KTN1: variants seen among roughly 807,000 people sequenced by gnomAD.
The protein encoded by KTN1 is kinectin.
A neutral mutation model predicts 222.5 loss-of-function variants in KTN1; 130 were observed. The ratio of observed to expected loss-of-function variants is 0.58; its 90% CI spans 0.51 to 0.68. The LOEUF is 0.68. Ranked by LOEUF, KTN1 falls within the 30% of genes least tolerant of loss-of-function variation. KTN1 has a pLI of 0.00. For synonymous variants in KTN1, 512 were observed against 496.3 expected (o/e 1.03, Z -0.42); for missense variants, 1,508 against 1,500.4 (o/e 1.01, Z -0.08).
At chr14:55,676,462 TATATC>T (rs1287305262) in intron 41 of KTN1, among the ~76,000 whole-genome samples, 1 of 152,192 alleles carries the variant, frequency 6.6e-6, no homozygotes, top group Non-Finnish European at 1.5e-5. Context: ...CACATATTCT[TATATC>T]AAAGCTGTTT....
At position 55,658,717 on chromosome 14, in the gene KTN1, G is replaced by A. The variant is rs548751449; in HGVS notation, c.2961+103G>A. On this transcript the variant is annotated intron_variant, in intron 30 of 43. Coordinates refer to ENST00000395314, the MANE Select transcript of KTN1 (RefSeq NM_001079521.2). ...CCATTTCTGCATTTTCATTGAGAAT[G>A]AAGTATGTTTTATTTATGTTTATCA... 8.2e-5 allele frequency: 57 copies of A among 692,884 alleles called. No individual in the cohort carries two copies. In the South Asian group the frequency reaches 1.0e-3, roughly 13 times the overall value. 42.9% of individuals were successfully genotyped at this position (692,884 alleles called of 1,614,324 possible). A position where few individuals can be genotyped will look rare whatever the true frequency, so the allele number is the denominator to read the frequency against.
rs1555370835 is a variant in KTN1, at chr14:55,629,967, C to T, written c.1091C>T (p.Thr364Ile). ...RCKQLTQEMM[T>I]EKERSNVVIT... ...GGGATATTCTTTTAGGAAATGATGA[C>T]AGAGAAAGAAAGAAGCAATGTGGTT... Residue 364 changes from threonine (T) to isoleucine (I), a missense_variant, in exon 7 of 44, where the codon ACA becomes ATA. Coordinates refer to ENST00000395314, the MANE Select transcript of KTN1 (RefSeq NM_001079521.2). 1.1e-5 allele frequency: 18 copies of T among 1,588,512 alleles called. No individual in the cohort carries two copies. Among genetic ancestry groups the T allele is most frequent in the Middle Eastern group, 1.7e-4 (1 of 5,926 alleles).
chr14:55,657,199 AC>A (rs1432561977), intron 29 of KTN1, among the ~76,000 whole-genome samples: 1 of 152,206 alleles, frequency 6.6e-6, no homozygotes, highest in Non-Finnish European at 1.5e-5. Context: ...TGACACTCTC[AC>A]CAACTAAGGG....
intron 1 of KTN1, among the ~76,000 whole-genome samples, chr14:55,590,522 C>G (rs561421147): frequency 1.3e-5 from 2 of 152,126 alleles, no homozygotes; most frequent in South Asian, 4.1e-4. Flanking sequence ...CACACTCTAA[C>G]CACTACCTTT....
At position 55,672,923 on chromosome 14, in the gene KTN1, T is replaced by C. The variant is rs1435595305; in HGVS notation, c.3604-6T>C. ...TGTGTTAACTTTTCCTTTGTTGCAT[T>C]GCTAGCTGAGAAGAGAACGAGAACA... On this transcript the variant is annotated splice_region_variant and splice_polypyrimidine_tract_variant and intron_variant, in intron 38 of 43. Transcript: ENST00000395314. The C allele has an allele frequency of 1.2e-5, 19 of 1,610,192 alleles. No homozygotes were observed. The highest frequency in any genetic ancestry group is 1.5e-5 in the Non-Finnish European group (18 of 1,176,844).
chr14:55,585,807 T>A (rs2032869037), intron 1 of KTN1, among the ~76,000 whole-genome samples: 1 of 152,176 alleles, frequency 6.6e-6, no homozygotes, highest in Non-Finnish European at 1.5e-5. Flanking sequence ...GTTAATCCAG[T>A]GAGAGATCCT....
chr14:55,623,933 A>G (rs971405784), intron 5 of KTN1, among the ~76,000 whole-genome samples: 2 of 152,078 alleles, frequency 1.3e-5, no homozygotes, highest in African/African-American at 4.8e-5. Flanking sequence ...ATTGTCTGAG[A>G]CAGCTTTCAA....
chr14:55,639,805 G>A, intron 13 of KTN1, 108 bp from the exon 14 acceptor site: 3 of 700,902 alleles, frequency 4.3e-6, no homozygotes, highest in East Asian at 2.5e-5. Context: ...GAAATGGAAG[G>A]TATATGAGAA....
At chr14:55,671,759 CA>C in intron 36 of KTN1, 25 bp from the exon 37 acceptor site, 1 of 1,574,560 alleles carries the variant, frequency 6.4e-7, no homozygotes, top group East Asian at 2.2e-5. Context: ...ATGAATTTTT[CA>C]AAACAACTAT....
At chr14:55,580,388 CGGCGGCGGGGAGCGCGGGGGGA>C (rs1236385435) in intron 1 of KTN1, 34 bp downstream of exon 1, 1 of 146,656 alleles carries the variant, frequency 6.8e-6, no homozygotes, top group Non-Finnish European at 1.5e-5. Context: ...GGACGGGCGC[CGGCGGCGGGGAGCGCGGGGGGA>C]GGCGGCGCCG....
At chr14:55,580,651 AC>A (rs1324307606) in intron 1 of KTN1, among the ~76,000 whole-genome samples, 2 of 150,872 alleles carry the variant, frequency 1.3e-5, no homozygotes, top group Admixed American at 6.6e-5. Context: ...GCCGAGGGAC[AC>A]CCCCCACCCT....
chr14:55,651,788 G>GT (rs2042951316), intron 24 of KTN1, 102 bp from the exon 25 acceptor site: 1 of 727,854 alleles, frequency 1.4e-6, no homozygotes, highest in Non-Finnish European at 2.3e-6. Flanking sequence ...AATTCAGCTA[G>GT]TTTCTTTGTA....
Position 55,631,341 on chromosome 14 carries a change from G to T in KTN1, c.1221+1244G>T, listed in dbSNP as rs867214778. ...CTAAAACTCACCTATTGATAAGGTT[G>T]ATATATATATATATATATATATATA... On this transcript the variant is annotated intron_variant, in intron 7 of 43. Coordinates refer to ENST00000395314, the MANE Select transcript of KTN1 (RefSeq NM_001079521.2). 1.3e-4 allele frequency among the ~76,000 whole-genome samples: 15 copies of T among 114,704 alleles called. 1 individual carries two copies. Among genetic ancestry groups the T allele is most frequent in the South Asian group, 2.8e-4 (1 of 3,522 alleles). 75.3% of individuals were successfully genotyped at this position (114,704 alleles called of 152,430 possible).
chr14:55,669,816 A>G (rs1442348563), intron 34 of KTN1, among the ~76,000 whole-genome samples: 1 of 151,946 alleles, frequency 6.6e-6, no homozygotes, highest in African/African-American at 2.4e-5. Flanking sequence ...CTCAGCATCT[A>G]CTTTTGTTTT....
At chr14:55,595,201 C>CATTGAGTGT (rs376351178) in intron 1 of KTN1, among the ~76,000 whole-genome samples, 11,690 of 152,222 alleles carry the variant, frequency 0.077, 497 homozygotes, top group South Asian at 0.12. Context: ...GAAATAATTA[C>CATTGAGTGT]GTTGAATAAA....
At chr14:55,611,570 C>T (rs1437820210) in intron 1 of KTN1, among the ~76,000 whole-genome samples, 6 of 151,960 alleles carry the variant, frequency 3.9e-5, no homozygotes, top group African/African-American at 1.4e-4. Flanking sequence ...CCTCTTTTTG[C>T]GTGTGTGTGC....
At chr14:55,670,904 T>C (rs376525423) in intron 35 of KTN1, 95 bp downstream of exon 35, 15 of 763,204 alleles carry the variant, frequency 2.0e-5, no homozygotes, top group East Asian at 8.4e-5. Flanking sequence ...TAAAAGATAA[T>C]CGAATAAGGC....
intron 39 of KTN1, 30 bp from the exon 40 acceptor site, chr14:55,673,142 A>T (rs2045592725): frequency 1.9e-6 from 3 of 1,578,594 alleles, no homozygotes; most frequent in South Asian, 2.2e-5. Flanking sequence ...TCATAAGGAG[A>T]TCAATCTTAA....
chr14:55,594,096 A>G (rs567174286), intron 1 of KTN1, among the ~76,000 whole-genome samples: 1 of 152,276 alleles, frequency 6.6e-6, no homozygotes, highest in Non-Finnish European at 1.5e-5. Context: ...TTCCTTTTAT[A>G]TTCGTGCAAA....
Sources: gnomAD v4.1 joint callset for allele counts (sites outside exome capture counted in the v4.1 genomes callset) on GRCh38, gnomAD v4.1.1 for gene constraint, MANE v1.5 for transcripts, NCBI Gene and HGNC (gene_info 2026-07-23, HGNC 2026-07-21) for gene names.